Variants in YAP1 observed in about 807,000 individuals in gnomAD.
YAP1 encodes transcriptional coactivator YAP1.
In YAP1, 5 loss-of-function variants were observed where a neutral mutation model predicts 56.9. The ratio of observed to expected loss-of-function variants is 0.09; its 90% CI spans 0.05 to 0.18. YAP1 has a LOEUF of 0.18. Among genes scored for constraint, YAP1 ranks in the 10% least tolerant of loss-of-function variants. The probability of loss-of-function intolerance (pLI) is 1.00; values close to 1 mark genes in which losing one functional copy is unlikely to be tolerated. For synonymous variants in YAP1, 265 were observed against 248.1 expected (o/e 1.07, Z -0.64); for missense variants, 539 against 651.8 (o/e 0.83, Z 1.88).
intron 2 of YAP1, among the ~76,000 whole-genome samples, chr11:102,150,802 G>GTTTTTTT (rs370378973): frequency 0.29 from 30,284 of 105,354 alleles, 3,765 homozygotes; most frequent in South Asian, 0.41. Flanking sequence ...CATACAAATG[G>GTTTTTTT]TTTTTTTTTT....
intron 2 of YAP1, 117 bp from the exon 3 acceptor site, chr11:102,162,339 G>A (rs1946341308): frequency 1.3e-6 from 1 of 778,978 alleles, no homozygotes; most frequent in Admixed American, 1.9e-5. Flanking sequence ...GTGAGATGCT[G>A]TGACTTAATG....
At chr11:102,122,531 A>C (rs1943723064) in intron 2 of YAP1, among the ~76,000 whole-genome samples, 1 of 152,212 alleles carries the variant, frequency 6.6e-6, no homozygotes, top group Non-Finnish European at 1.5e-5. Context: ...GTATATTTTG[A>C]AATTTAATTT....
At chr11:102,119,551 A>G (rs992670891) in intron 2 of YAP1, among the ~76,000 whole-genome samples, 1 of 151,924 alleles carries the variant, frequency 6.6e-6, no homozygotes, top group African/African-American at 2.4e-5. Flanking sequence ...TTAAAGTCAC[A>G]TTTAAAAAAA....
intron 2 of YAP1, among the ~76,000 whole-genome samples, chr11:102,145,255 A>G (rs1436568764): frequency 6.6e-6 from 1 of 152,188 alleles, no homozygotes; most frequent in Admixed American, 6.5e-5. Context: ...AGTTCAGCTC[A>G]GTGTTTTTGG....
chr11:102,206,175 T>A (rs1949112136), intron 5 of YAP1, 101 bp downstream of exon 5: 1 of 1,414,874 alleles, frequency 7.1e-7, no homozygotes, highest in South Asian at 1.4e-5. Context: ...AGAGGAATGT[T>A]GTCTTTGTAA....
chr11:102,212,215 C>T (rs191270419), intron 6 of YAP1, among the ~76,000 whole-genome samples: 26 of 152,288 alleles, frequency 1.7e-4, no homozygotes, highest in Non-Finnish European at 8.8e-5. Flanking sequence ...ATAGTGAGAT[C>T]AGTGTCATTT....
At chr11:102,139,897 A>G (rs2013860061) in intron 2 of YAP1, among the ~76,000 whole-genome samples, 2 of 152,180 alleles carry the variant, frequency 1.3e-5, no homozygotes, top group South Asian at 4.1e-4. Context: ...GTGACAGAAA[A>G]TGAAAATAGC....
At chr11:102,200,239 A>G (rs1948782818) in intron 4 of YAP1, among the ~76,000 whole-genome samples, 1 of 152,216 alleles carries the variant, frequency 6.6e-6, no homozygotes, top group South Asian at 2.1e-4. Context: ...GAGGGGAAAG[A>G]TACACAGTTA....
chr11:102,161,442 G>C (rs890002565), intron 2 of YAP1, among the ~76,000 whole-genome samples: 17 of 151,100 alleles, frequency 1.1e-4, no homozygotes, highest in African/African-American at 4.1e-4. Flanking sequence ...TTTAAAAACT[G>C]TATTATTAAT....
intron 3 of YAP1, among the ~76,000 whole-genome samples, chr11:102,170,994 T>G (rs763228744): frequency 2.0e-5 from 3 of 151,798 alleles, no homozygotes; most frequent in Non-Finnish European, 2.9e-5. Flanking sequence ...AAAAAAAATT[T>G]AGATCCATGA....
At chr11:102,179,183 TTCTC>T (rs1947440438) in intron 3 of YAP1, among the ~76,000 whole-genome samples, 1 of 152,086 alleles carries the variant, frequency 6.6e-6, no homozygotes, top group African/African-American at 2.4e-5. Flanking sequence ...GCTGGCCTGT[TTCTC>T]TCTTCCTTTT....
chr11:102,199,539 T>G (rs1442874674), intron 4 of YAP1, among the ~76,000 whole-genome samples: 1 of 151,958 alleles, frequency 6.6e-6, no homozygotes, highest in Non-Finnish European at 1.5e-5. Context: ...AATAAATATG[T>G]TTTTTTTCCA....
chr11:102,220,139 G>A (rs754589995), intron 6 of YAP1, among the ~76,000 whole-genome samples: 2 of 151,870 alleles, frequency 1.3e-5, no homozygotes, highest in Non-Finnish European at 2.9e-5. Context: ...GAGGCCAATC[G>A]CTTGAGCTCA....
intron 2 of YAP1, among the ~76,000 whole-genome samples, chr11:102,120,817 T>C (rs966826869): frequency 3.9e-5 from 6 of 152,252 alleles, no homozygotes; most frequent in African/African-American, 9.6e-5. Context: ...AAAGTGTTAC[T>C]GTGTGCTTTG....
Position 102,231,456 on chromosome 11 carries a change from G to A in YAP1, c.*1516G>A, listed in dbSNP as rs1272418336. On this transcript the variant is annotated 3_prime_UTR_variant, in exon 9 of 9. Coordinates refer to ENST00000282441, the MANE Select transcript of YAP1 (RefSeq NM_001130145.3). ...CCTGGATAGAATACTATAAGGTTTT[G>A]AGTTAGCTGGAAAAGTGATCAGATT... is the stretch of plus-strand genomic sequence containing the variant. The A allele has an allele frequency of 2.0e-5, 3 of 152,472 alleles. No homozygotes were observed. The highest frequency in any genetic ancestry group is 4.4e-5 in the Non-Finnish European group (3 of 68,032). 9.4% of individuals were successfully genotyped at this position (152,472 alleles called of 1,614,324 possible).
intron 4 of YAP1, among the ~76,000 whole-genome samples, chr11:102,188,480 T>C (rs1948102996): frequency 6.6e-6 from 1 of 152,202 alleles, no homozygotes; most frequent in Admixed American, 6.5e-5. Flanking sequence ...ATTTAGTAAT[T>C]ACACTTCATT....
chr11:102,186,210 T>G, intron 4 of YAP1, 79 bp downstream of exon 4: 1 of 1,476,998 alleles, frequency 6.8e-7, no homozygotes, highest in Non-Finnish European at 9.2e-7. Context: ...AAAGCACATT[T>G]AAATAAAATC....
At chr11:102,139,584 T>G (rs1944887534) in intron 2 of YAP1, among the ~76,000 whole-genome samples, 1 of 152,234 alleles carries the variant, frequency 6.6e-6, no homozygotes, top group South Asian at 2.1e-4. Flanking sequence ...AGCTAGTTTT[T>G]GGGTGTTCGG....
chr11:102,176,578 C>T (rs1947260211), intron 3 of YAP1, among the ~76,000 whole-genome samples: 1 of 151,400 alleles, frequency 6.6e-6, no homozygotes, highest in African/African-American at 2.4e-5. Flanking sequence ...AACCTCATCT[C>T]TACTAAAAAT....
Sources: allele counts gnomAD v4.1 joint callset (sites outside exome capture counted in the v4.1 genomes callset), GRCh38; gene constraint gnomAD v4.1.1; transcripts MANE v1.5; gene names NCBI Gene and HGNC (gene_info 2026-07-23, HGNC 2026-07-21).